Variants in CLCNKA observed in about 807,000 individuals in gnomAD.
CLCNKA encodes the protein chloride channel protein ClC-Ka.
A neutral mutation model predicts 83.3 loss-of-function variants in CLCNKA; 66 were observed. The ratio of observed to expected loss-of-function variants is 0.79; its 90% CI spans 0.65 to 0.97. The LOEUF (loss-of-function observed/expected upper bound fraction) is 0.97, where lower values mean the gene tolerates loss of function less well. CLCNKA is among the 50% of genes least tolerant of loss of function. CLCNKA has a pLI of 0.00. For missense variants in CLCNKA, 806 were observed against 888.7 expected (o/e 0.91, Z 1.18); for synonymous variants, 357 against 370.4 (o/e 0.96, Z 0.42).
intron 15 of CLCNKA, among the ~76,000 whole-genome samples, 175 bp downstream of exon 15, chr1:16,030,849 C>A (rs1020618737): frequency 3.9e-5 from 6 of 152,240 alleles, no homozygotes; most frequent in African/African-American, 1.4e-4. Context: ...CCCTGGGTGA[C>A]CTTGGGCAAG....
In CLCNKA at chr1:16,026,199, C is replaced by T. The variant is rs1451464299; in HGVS notation, c.450C>T (p.Gly150=). ...AGAACTTTGGGGCCAAGGTGGTGGG[C>T]CTCTCCTGCACCCTGGCCACCGGCA... is the stretch of plus-strand genomic sequence containing the variant. The part of the protein sequence containing the change: ...DIKNFGAKVV[G]LSCTLATGST... Residue 150 remains glycine (G), a synonymous_variant, in exon 5 of 20, where the codon GGC becomes GGT. Coordinates refer to ENST00000331433, the MANE Select transcript of CLCNKA (RefSeq NM_004070.4). 6.2e-7 allele frequency: 1 copy of T among 1,613,766 alleles called. No individual in the cohort carries two copies. The highest frequency in any genetic ancestry group is 8.5e-7 in the Non-Finnish European group (1 of 1,180,014).
chr1:16,033,022 C>T (rs557097632), intron 18 of CLCNKA, 148 bp from the exon 19 acceptor site: 1 of 858,190 alleles, frequency 1.2e-6, no homozygotes, highest in African/African-American at 1.6e-5. Flanking sequence ...CCCAGTGGCC[C>T]ACACTGGACA....
intron 15 of CLCNKA, among the ~76,000 whole-genome samples, chr1:16,031,174 C>T (rs867697403): frequency 6.6e-6 from 1 of 152,302 alleles, no homozygotes; most frequent in Middle Eastern, 3.4e-3. Flanking sequence ...TCTGAGAGTC[C>T]GAATCGGAGG....
intron 17 of CLCNKA, 34 bp from the exon 18 acceptor site, chr1:16,032,409 C>T (rs763759115): frequency 1.4e-5 from 22 of 1,585,342 alleles, no homozygotes; most frequent in South Asian, 9.9e-5. Context: ...CTGGGGAGGC[C>T]GGCCCTGCAC....
chr1:16,029,912 G>A, intron 13 of CLCNKA, 53 bp from the exon 14 acceptor site: 1 of 1,598,130 alleles, frequency 6.3e-7, no homozygotes, highest in Non-Finnish European at 8.6e-7. Flanking sequence ...AGGGATGGAG[G>A]GCTGTGGGGG....
At chr1:16,031,953 C>G in intron 16 of CLCNKA, 110 bp downstream of exon 16, 1 of 1,565,596 alleles carries the variant, frequency 6.4e-7, no homozygotes, top group Non-Finnish European at 8.7e-7. Flanking sequence ...ACTTAGCAAC[C>G]AACCGTGTGA....
intron 1 of CLCNKA, among the ~76,000 whole-genome samples, 155 bp from the exon 2 acceptor site, chr1:16,022,457 AG>A (rs1375380041): frequency 6.6e-6 from 1 of 152,162 alleles, no homozygotes; most frequent in African/African-American, 2.4e-5. Flanking sequence ...ACGGAACCTC[AG>A]GGATGAGGGC....
intron 19 of CLCNKA, 78 bp downstream of exon 19, chr1:16,033,334 A>G (rs1158694784): frequency 4.1e-6 from 6 of 1,448,488 alleles, no homozygotes; most frequent in Non-Finnish European, 5.8e-6. Flanking sequence ...GTGGGGGGAC[A>G]CCAGCATGCT....
chr1:16,023,993 G>C, intron 3 of CLCNKA, 65 bp downstream of exon 3: 1 of 1,601,304 alleles, frequency 6.2e-7, no homozygotes, highest in Non-Finnish European at 8.6e-7. Context: ...GGGGATACCA[G>C]ATGGGCCACC....
intron 10 of CLCNKA, among the ~76,000 whole-genome samples, 164 bp downstream of exon 10, chr1:16,028,283 C>G (rs1364244322): frequency 6.6e-6 from 1 of 151,800 alleles, no homozygotes; most frequent in Non-Finnish European, 1.5e-5. Context: ...CACTGTCCCC[C>G]CTTCCTTACT....
Position 16,029,319 on chromosome 1 carries a change from G to A in CLCNKA, c.1227+20G>A, listed in dbSNP as rs370286590. 3.8e-5 allele frequency: 61 copies of A among 1,613,618 alleles called. No individual in the cohort carries two copies. The highest frequency in any genetic ancestry group is 3.0e-4 in the South Asian group (27 of 91,078). On this transcript the variant is annotated intron_variant, in intron 12 of 19. Transcript: ENST00000331433. The stretch of plus-strand genomic sequence containing the variant: ...ATGAAGGTGGGCCCCCTGACCCCCA[G>A]GTGTGCACAGAGCCAGGACCAGCTC...
rs373171948 is a variant in CLCNKA at position 16,026,281 on chromosome 1, C to T, written c.498+34C>T. On this transcript the variant is annotated intron_variant, in intron 5 of 19. Coordinates refer to ENST00000331433, the MANE Select transcript of CLCNKA (RefSeq NM_004070.4). ...AGGTGTGAGGGCACCCCAGCCACCC[C>T]GCCCACCCTACCCTGCCCCAGCTCT... 5.0e-5 allele frequency: 81 copies of T among 1,610,380 alleles called. No individual in the cohort carries two copies. The African/African-American group carries it at 9.1e-4, about 18-fold the overall frequency.
intron 10 of CLCNKA, chr1:16,028,538 T>A: frequency 2.9e-6 from 2 of 682,306 alleles, no homozygotes; most frequent in Non-Finnish European, 5.4e-6. Flanking sequence ...TCCTGCGTGA[T>A]TCCTCTGCCC....
chr1:16,022,775 G>A, intron 2 of CLCNKA, 56 bp downstream of exon 2: 1 of 1,271,094 alleles, frequency 7.9e-7, no homozygotes, highest in Non-Finnish European at 1.1e-6. Context: ...CATCATTCCT[G>A]CCTGGCTCCC....
chr1:16,027,982 G>A (rs377492878), intron 9 of CLCNKA, 36 bp from the exon 10 acceptor site: 2 of 1,614,088 alleles, frequency 1.2e-6, no homozygotes, highest in Non-Finnish European at 1.7e-6. Flanking sequence ...CTGGTACTGG[G>A]GTCAGGCTCT....
At chr1:16,033,132 A>T (rs780053095) in intron 18 of CLCNKA, 38 bp from the exon 19 acceptor site, 12 of 1,603,842 alleles carry the variant, frequency 7.5e-6, no homozygotes, top group African/African-American at 6.7e-5. Flanking sequence ...GCTGGGCGCC[A>T]TCTACCCTCC....
intron 12 of CLCNKA, 23 bp downstream of exon 12, chr1:16,029,322 G>A (rs746771613): frequency 1.2e-6 from 2 of 1,613,628 alleles, no homozygotes; most frequent in South Asian, 1.1e-5. Context: ...ACCCCCAGGT[G>A]TGCACAGAGC....
rs201589941 is a variant in CLCNKA, at chr1:16,031,828, C to G, written c.1741C>G (p.Leu581Val). 2.0e-5 allele frequency: 32 copies of G among 1,612,862 alleles called. No homozygotes were observed. The African/African-American group carries it at 4.0e-4, about 20-fold the overall frequency. Residue 581 changes from leucine to valine, a missense_variant, in exon 16 of 20, where the codon CTG becomes GTG. Transcript: ENST00000331433. ...VTSTDVTEYP[L>V]VESTESQILV... ...CTCCACAGACGTGACCGAGTATCCC[C>G]TGGTGGAGAGCACAGGTGCCCAGCT...
At chr1:16,027,193 T>A (rs1198808318) in intron 7 of CLCNKA, 117 bp from the exon 8 acceptor site, 1 of 1,462,418 alleles carries the variant, frequency 6.8e-7, no homozygotes, top group South Asian at 1.1e-5. Context: ...TCTGTCCCTG[T>A]CCGGGCTGTA....
Sources: allele counts gnomAD v4.1 joint callset (sites outside exome capture counted in the v4.1 genomes callset), GRCh38; gene constraint gnomAD v4.1.1; transcripts MANE v1.5; gene names NCBI Gene and HGNC (gene_info 2026-07-23, HGNC 2026-07-21).